KMT5C: variants seen among roughly 807,000 people sequenced by gnomAD.
The protein encoded by KMT5C is lysine methyltransferase 5C, also known as histone-lysine N-methyltransferase KMT5C.
A neutral mutation model predicts 38.2 loss-of-function variants in KMT5C; 16 were observed. That is an observed-to-expected ratio of 0.42 (90% CI 0.28 to 0.64). The LOEUF is 0.64. Among genes scored for constraint, KMT5C ranks in the 30% least tolerant of loss-of-function variants. KMT5C has a pLI of 0.23. For synonymous variants in KMT5C, 291 were observed against 279.0 expected (o/e 1.04, Z -0.43); for missense variants, 598 against 665.1 (o/e 0.90, Z 1.11).
At chr19:55,346,378 C>G in intron 7 of KMT5C, 29 bp downstream of exon 7, 1 of 1,613,558 alleles carries the variant, frequency 6.2e-7, no homozygotes, top group East Asian at 2.2e-5. Flanking sequence ...CGGCTGGGTT[C>G]GGGTCGTCTG....
rs768731119 is a variant in KMT5C, at chr19:55,346,240, T to C, written c.598T>C (p.Cys200Arg). 2 of 1,613,816 alleles carry C rather than the reference T, an allele frequency of 1.2e-6. No homozygotes were observed. Reference sequence around the variant, plus strand: ...TGTGCCTGCAGATGGGAACGCAGCCTGCGTGAAGGTGCTCCGGGACATTGA... The same window carrying C: ...TGTGCCTGCAGATGGGAACGCAGCCCGCGTGAAGGTGCTCCGGGACATTGA... ...KFVPADGNAA[C>R]VKVLRDIEPG... Residue 200 changes from cysteine (C) to arginine (R), a missense_variant, in exon 7 of 9, where the codon TGC (cysteine) becomes CGC (arginine). This residue lies in a region of KMT5C where 105 missense variants were observed against 179.2 expected (regional missense o/e 0.59). Transcript: ENST00000255613.
intron 6 of KMT5C, 55 bp from the exon 7 acceptor site, chr19:55,346,158 G>A (rs1227626368): frequency 5.0e-6 from 8 of 1,607,144 alleles, no homozygotes; most frequent in East Asian, 4.5e-5. Context: ...TGTGGGGAGT[G>A]GGTGAGCCCT....
Position 55,343,904 on chromosome 19 carries a change from T to C in KMT5C, c.550+61T>C. ...AGAGCCAGGCAGGGCTGGAGGGGTG[T>C]AGTGGGAGGGTTCTGCGACTGAGCT... On this transcript the variant is annotated intron_variant, in intron 5 of 8. Transcript: ENST00000255613. This position sits in a 1 kb window ranked among gnomAD's most constrained non-coding sequence, Gnocchi z 5.5. 1.9e-6 allele frequency: 3 copies of C among 1,606,128 alleles called. No homozygotes were observed. In the South Asian group the frequency reaches 3.3e-5, roughly 18 times the overall value.
Position 55,346,362 on chromosome 19 carries a change from G to C in KMT5C, c.707+13G>C. On this transcript the variant is annotated intron_variant, in intron 7 of 8. Coordinates refer to ENST00000255613, the MANE Select transcript of KMT5C (RefSeq NM_032701.4). ...ACACCTGTGAGAGGTGGGACCGGGCGAGAGGCGGCTGGGTTCGGGTCGTCT... is the reference window on the plus strand; with the variant it reads ...ACACCTGTGAGAGGTGGGACCGGGCCAGAGGCGGCTGGGTTCGGGTCGTCT... 1 of 1,613,916 alleles carries C rather than the reference G, an allele frequency of 6.2e-7. No individual in the cohort carries two copies. The highest frequency in any genetic ancestry group is 1.1e-5 in the South Asian group (1 of 91,082).
intron 1 of KMT5C, 72 bp from the exon 2 acceptor site, chr19:55,341,722 G>A: frequency 1.7e-6 from 1 of 584,030 alleles, no homozygotes; most frequent in Non-Finnish European, 3.1e-6. Flanking sequence ...CCTACTCTCA[G>A]AAGTACTTGT....
At chr19:55,345,128 G>A (rs1256818707) in intron 6 of KMT5C, 2 of 452,244 alleles carry the variant, frequency 4.4e-6, no homozygotes, top group Non-Finnish European at 8.9e-6. Context: ...CACACGAGAG[G>A]GCGGCCAGCT....
Position 55,347,531 on chromosome 19 carries a change from C to T in KMT5C, c.*82C>T, listed in dbSNP as rs1210434627. On this transcript the variant is annotated 3_prime_UTR_variant, in exon 9 of 9. Transcript: ENST00000255613. The surrounding 1 kb of genome is among the most constrained non-coding windows in gnomAD (Gnocchi z 4.6). ...AGGACCTCCAGAAGGAGCCCTTGGA[C>T]CTCTGGGAGGGAGCTGACCCTTGAC... 8.9e-6 allele frequency: 13 copies of T among 1,461,402 alleles called. No individual in the cohort carries two copies. The highest frequency in any genetic ancestry group is 1.1e-5 in the Non-Finnish European group (12 of 1,114,090). 90.5% of individuals were successfully genotyped at this position (1,461,402 alleles called of 1,614,324 possible).
rs2089603855 is a variant in KMT5C, at chr19:55,345,182, G to A, written c.571-1031G>A. The A allele has an allele frequency of 3.2e-5, 13 of 403,752 alleles. 1 individual carries two copies. Among genetic ancestry groups the A allele is most frequent in the South Asian group, 2.3e-4 (13 of 55,972 alleles). The allele number at this position is 403,752 out of a possible 1,614,324, so 25.0% of individuals were successfully genotyped here. On this transcript the variant is annotated intron_variant, in intron 6 of 8. Coordinates refer to ENST00000255613, the MANE Select transcript of KMT5C (RefSeq NM_032701.4). ...ATCTGGCTTCACAGAAGCCATGCTG[G>A]GCATCGACGGAGGAGTAGAATTTCC...
chr19:55,346,151 G>A (rs554055540), intron 6 of KMT5C, 62 bp from the exon 7 acceptor site: 13 of 1,602,396 alleles, frequency 8.1e-6, no homozygotes, highest in South Asian at 1.1e-5. Context: ...GGCCAGGTGT[G>A]GGGAGTGGGT....
At position 55,343,359 on chromosome 19, in the gene KMT5C, TAGG is replaced by T. The variant is rs1297854440; in HGVS notation, c.387-320_387-318del. 1 of 383,302 alleles carries T rather than the reference TAGG, an allele frequency of 2.6e-6. No individual in the cohort carries two copies. The highest frequency in any genetic ancestry group is 4.8e-6 in the Non-Finnish European group (1 of 206,450). 23.7% of individuals were successfully genotyped at this position (383,302 alleles called of 1,614,324 possible). A position where few individuals can be genotyped will look rare whatever the true frequency, so the allele number is the denominator to read the frequency against. On this transcript the variant is annotated intron_variant, in intron 4 of 8. Transcript: ENST00000255613. The surrounding 1 kb of genome is among the most constrained non-coding windows in gnomAD (Gnocchi z 5.5). ...CCGCCTGAGGGTCTGGTGGGGCGAG[TAGG>T]GGGTAGTCCAGGCAGGAGGGATTTG...
In KMT5C at chr19:55,343,468, T is replaced by C; in HGVS notation, c.387-212T>C. ...TGCGTGCTGCCCTGAAGGCTTTCAG[T>C]AGAAGGGTCCTGTGGGGCTGTGGGC... On this transcript the variant is annotated intron_variant, in intron 4 of 8. Coordinates refer to ENST00000255613, the MANE Select transcript of KMT5C (RefSeq NM_032701.4). The surrounding 1 kb of genome is among the most constrained non-coding windows in gnomAD (Gnocchi z 5.5). The C allele has an allele frequency of 1.7e-6, 1 of 593,248 alleles. No homozygotes were observed. The highest frequency in any genetic ancestry group is 3.0e-6 in the Non-Finnish European group (1 of 333,222). 36.7% of individuals were successfully genotyped at this position (593,248 alleles called of 1,614,324 possible). A position where few individuals can be genotyped will look rare whatever the true frequency, so the allele number is the denominator to read the frequency against.
Position 55,347,613 on chromosome 19 carries a change from G to A in KMT5C, c.*164G>A. On this transcript the variant is annotated 3_prime_UTR_variant, in exon 9 of 9. Transcript: ENST00000255613. The surrounding 1 kb of genome is among the most constrained non-coding windows in gnomAD (Gnocchi z 4.6). The stretch of plus-strand genomic sequence containing the variant: ...GGTTTGGACACCCCCAGGGATCTGA[G>A]CCCTGACCCTTTGTGACTGCTGACC... 8.3e-7 allele frequency: 1 copy of A among 1,211,914 alleles called. No individual in the cohort carries two copies. The highest frequency in any genetic ancestry group is 1.8e-5 in the South Asian group (1 of 54,336). The allele number at this position is 1,211,914 out of a possible 1,614,324, so 75.1% of individuals were successfully genotyped here. A position where few individuals can be genotyped will look rare whatever the true frequency, so the allele number is the denominator to read the frequency against.
At chr19:55,345,272 T>G (rs899797834) in intron 6 of KMT5C, 17 of 355,184 alleles carry the variant, frequency 4.8e-5, no homozygotes, top group African/African-American at 3.0e-4. Flanking sequence ...ACCAGAGGGC[T>G]GGGGGTGCCC....
rs376220414 is a variant in KMT5C, at chr19:55,344,014, C to T, written c.570+17C>T. The stretch of plus-strand genomic sequence containing the variant: ...AACTGCAAGGTAAGGCCTTGGGACT[C>T]GGGAGGAGAGGGCACGCAGGAAGAA... On this transcript the variant is annotated intron_variant, in intron 6 of 8. Transcript: ENST00000255613. 79 of 1,609,256 alleles carry T rather than the reference C, an allele frequency of 4.9e-5. 1 individual carries two copies. Among genetic ancestry groups the T allele is most frequent in the South Asian group, 2.3e-4 (21 of 90,904 alleles).
rs567459405 is a variant in KMT5C, at chr19:55,344,492, C to T, written c.570+495C>T. On this transcript the variant is annotated intron_variant, in intron 6 of 8. Coordinates refer to ENST00000255613, the MANE Select transcript of KMT5C (RefSeq NM_032701.4). ...GAGGAAGGGGTTCCAGTTTGGCCAG[C>T]GTTGCCCGGCTGTTTGTGCAGTTGC... is the stretch of plus-strand genomic sequence containing the variant. 45 of 358,970 alleles carry T rather than the reference C, an allele frequency of 1.3e-4. 1 individual carries two copies. The highest frequency in any genetic ancestry group is 7.1e-4 in the South Asian group (34 of 48,074). 22.2% of individuals were successfully genotyped at this position (358,970 alleles called of 1,614,324 possible).
Position 55,347,004 on chromosome 19 carries a change from C to T in KMT5C, c.944C>T (p.Thr315Ile), listed in dbSNP as rs769303052. ...RLPACSARPD[T>I]SPLWLQWLPQ... is the part of the protein sequence containing the mutation. ...CCAGCCTGCAGCGCCCGCCCAGACA[C>T]CTCACCCCTCTGGCTCCAGTGGCTG... Residue 315 changes from threonine to isoleucine, a missense_variant, in exon 9 of 9, where the codon ACC (threonine) becomes ATC (isoleucine). Coordinates refer to ENST00000255613, the MANE Select transcript of KMT5C (RefSeq NM_032701.4). The surrounding 1 kb of genome is among the most constrained non-coding windows in gnomAD (Gnocchi z 4.6). 1 of 1,335,672 alleles carries T rather than the reference C, an allele frequency of 7.5e-7. No individual in the cohort carries two copies. The highest frequency in any genetic ancestry group is 1.4e-5 in the African/African-American group (1 of 69,794). 82.7% of individuals were successfully genotyped at this position (1,335,672 alleles called of 1,614,324 possible). A position where few individuals can be genotyped will look rare whatever the true frequency, so the allele number is the denominator to read the frequency against.
At position 55,346,701 on chromosome 19, in the gene KMT5C, C is replaced by T; in HGVS notation, c.895+14C>T. Reference sequence around the variant, plus strand: ...ACCCATTCTGCGGTGAGCACCCCTCCCTGCCATCCCAGCAGCCCCTCCCCT... The same window carrying T: ...ACCCATTCTGCGGTGAGCACCCCTCTCTGCCATCCCAGCAGCCCCTCCCCT... On this transcript the variant is annotated intron_variant, in intron 8 of 8. Coordinates refer to ENST00000255613, the MANE Select transcript of KMT5C (RefSeq NM_032701.4). 1 of 1,532,612 alleles carries T rather than the reference C, an allele frequency of 6.5e-7. No homozygotes were observed. Among genetic ancestry groups the T allele is most frequent in the Non-Finnish European group, 8.8e-7 (1 of 1,137,714 alleles). 94.9% of individuals were successfully genotyped at this position (1,532,612 alleles called of 1,614,324 possible). A position where few individuals can be genotyped will look rare whatever the true frequency, so the allele number is the denominator to read the frequency against.
rs2089556541 is a variant in KMT5C, at chr19:55,341,500, G to T, written c.-143-294G>T. On this transcript the variant is annotated intron_variant, in intron 1 of 8. Transcript: ENST00000255613. ...CCCCACGGTGCTAAGCCTTTAGGGT[G>T]ATCCCGGCTGCCAATCAGTCAGCCT... 3 of 177,256 alleles carry T rather than the reference G, an allele frequency of 1.7e-5. No homozygotes were observed. In the South Asian group the frequency reaches 3.2e-4, roughly 19 times the overall value. 11.0% of individuals were successfully genotyped at this position (177,256 alleles called of 1,614,324 possible).
At chr19:55,346,827 T>G in intron 8 of KMT5C, 129 bp from the exon 9 acceptor site, 2 of 632,726 alleles carry the variant, frequency 3.2e-6, no homozygotes, top group Non-Finnish European at 4.9e-6. Flanking sequence ...TGTTGAGCAG[T>G]TCGGCCGCAT....
Sources: gnomAD v4.1 joint callset for allele counts on GRCh38, gnomAD v4.1.1 for gene constraint, gnomAD v4.1.1 regional missense constraint, Gnocchi (gnomAD v3.1) non-coding constraint, MANE v1.5 for transcripts, NCBI Gene and HGNC (gene_info 2026-07-23, HGNC 2026-07-21) for gene names.